Variants in PRDM4 observed in about 807,000 individuals in gnomAD.
PRDM4 encodes PR/SET domain 4, also known as PR domain zinc finger protein 4.
A neutral mutation model predicts 62.3 loss-of-function variants in PRDM4; 38 were observed. That is an observed-to-expected ratio of 0.61 (90% CI 0.47 to 0.80). The LOEUF is 0.80. PRDM4 is among the 30% of genes least tolerant of loss of function. The pLI is 0.00. For synonymous variants in PRDM4, 339 were observed against 348.2 expected (o/e 0.97, Z 0.30); for missense variants, 858 against 997.1 (o/e 0.86, Z 1.88).
chr12:107,754,542 C>T (rs1215348861), intron 3 of PRDM4, among the ~76,000 whole-genome samples: 1 of 151,938 alleles, frequency 6.6e-6, no homozygotes, highest in Non-Finnish European at 1.5e-5. Context: ...ACCACCACAC[C>T]CAGCTAATTT....
intron 11 of PRDM4, among the ~76,000 whole-genome samples, chr12:107,738,742 G>A (rs775443012): frequency 6.6e-6 from 1 of 152,112 alleles, no homozygotes; most frequent in East Asian, 1.9e-4. Flanking sequence ...AACAGAATGG[G>A]TATGTCACTA....
intron 9 of PRDM4, among the ~76,000 whole-genome samples, chr12:107,741,976 C>CA (rs1890532421): frequency 6.6e-6 from 1 of 152,304 alleles, no homozygotes; most frequent in Middle Eastern, 3.4e-3. Context: ...TAAGGAACTT[C>CA]AATGCCCCAA....
intron 5 of PRDM4, 55 bp from the exon 6 acceptor site, chr12:107,746,479 TACC>T: frequency 1.2e-5 from 17 of 1,419,426 alleles, no homozygotes; most frequent in Non-Finnish European, 1.4e-5. Flanking sequence ...CAGGCTAAAT[TACC>T]ACCACGGTTT....
rs1452363226 is a variant in PRDM4 at position 107,754,531 on chromosome 12, C to T, written c.146-422G>A. On this transcript the variant is annotated intron_variant, in intron 3 of 11. Coordinates refer to ENST00000228437, the MANE Select transcript of PRDM4 (RefSeq NM_012406.4). ...CTGAGTAGCTGGGATTACAGGCACA[C>T]ACCACCACACCCAGCTAATTTTTGT... Among the ~76,000 whole-genome samples the T allele has an allele frequency of 2.6e-5, 4 of 152,026 alleles. No individual in the cohort carries two copies. In the East Asian group the frequency reaches 7.8e-4, roughly 29 times the overall value.
intron 2 of PRDM4, chr12:107,759,993 G>A (rs1384574708): frequency 6.6e-6 from 1 of 152,240 alleles, no homozygotes; most frequent in Non-Finnish European, 1.5e-5. Flanking sequence ...ATGCAGTGGG[G>A]CTTCAATAAT....
chr12:107,744,552 A>G lies in PRDM4; in HGVS notation c.1386T>C (p.His462=), dbSNP rs1890626268. 2.5e-6 allele frequency: 4 copies of G among 1,613,274 alleles called. No homozygotes were observed. Among genetic ancestry groups the G allele is most frequent in the Non-Finnish European group, 3.4e-6 (4 of 1,179,322 alleles). The change falls in exon 7 of 12, where the codon CAT becomes CAC. Residue 462 remains histidine (H), a synonymous_variant. Transcript: ENST00000228437. Reference sequence around the variant, plus strand: ...TTTCATCAGGACTGACCTTCCAGATATGGTTAACTGCCTTGTCTGTCCATT... The same window carrying G: ...TTTCATCAGGACTGACCTTCCAGATGTGGTTAACTGCCTTGTCTGTCCATT... ...VAEWTDKAVN[H]IWKIYHNGVL... is the part of the protein sequence containing the mutation.
At chr12:107,755,785 G>A (rs1891045416) in intron 3 of PRDM4, among the ~76,000 whole-genome samples, 1 of 152,098 alleles carries the variant, frequency 6.6e-6, no homozygotes, top group Non-Finnish European at 1.5e-5. Flanking sequence ...CAGAAAAAAG[G>A]TTTTAAAAGT....
intron 3 of PRDM4, among the ~76,000 whole-genome samples, chr12:107,755,457 TACAA>T (rs1006788063): frequency 1.3e-5 from 2 of 152,198 alleles, no homozygotes; most frequent in African/African-American, 4.8e-5. Context: ...AGGGAATGCC[TACAA>T]ACAATCAAGT....
rs544080906 is a variant in PRDM4, at chr12:107,746,220, T to C, written c.1276+55A>G. 7 of 1,588,676 alleles carry C rather than the reference T, an allele frequency of 4.4e-6. No homozygotes were observed. In the East Asian group the frequency reaches 1.6e-4, roughly 36 times the overall value. ...TTATACACATCCACTTTTACAACTC[T>C]ACGCTACAAAGGAAGAAGAGATGTA... On this transcript the variant is annotated intron_variant, in intron 6 of 11. Coordinates refer to ENST00000228437, the MANE Select transcript of PRDM4 (RefSeq NM_012406.4).
intron 11 of PRDM4, among the ~76,000 whole-genome samples, chr12:107,735,406 G>T (rs900845430): frequency 1.3e-5 from 2 of 152,012 alleles, no homozygotes; most frequent in African/African-American, 2.4e-5. Context: ...AGTACATAAT[G>T]GTATCTCATT....
chr12:107,741,141 T>A lies in PRDM4; in HGVS notation c.1729A>T (p.Ser577Cys), dbSNP rs149313146. 1,259 of 1,614,152 alleles carry A rather than the reference T, an allele frequency of 7.8e-4. No individual in the cohort carries two copies. The highest frequency in any genetic ancestry group is 8.6e-4 in the Non-Finnish European group (1,012 of 1,180,038). ...IHNHLPTQGH[S>C]GSHGPSHSKE... is the part of the protein sequence containing the mutation. Reference sequence around the variant, plus strand: ...CTGTGACTTGGCCCATGGCTGCCGCTATGTCCCTGGGTAGGAAGATGGTTA... The same window carrying A: ...CTGTGACTTGGCCCATGGCTGCCGCAATGTCCCTGGGTAGGAAGATGGTTA... Residue 577 changes from serine to cysteine, a missense_variant, in exon 10 of 12, where the codon AGC (serine) becomes TGC (cysteine). Transcript: ENST00000228437.
rs150061654 is a variant in PRDM4 at position 107,746,383 on chromosome 12, C to T, written c.1168G>A (p.Glu390Lys). ...CDRAYPSDCP[E>K]HGPVTFVPDT... ...GGAACAAAAGTCACTGGTCCATGTTCGGGACAGTCCGAGGGATAGGCGCGG... is the reference window on the plus strand; with the variant it reads ...GGAACAAAAGTCACTGGTCCATGTTTGGGACAGTCCGAGGGATAGGCGCGG... The change falls in exon 6 of 12, where the codon GAA becomes AAA. Residue 390 changes from glutamate to lysine, a missense_variant. Glu to Lys is a moderately conservative substitution (Grantham distance 56). Coordinates refer to ENST00000228437, the MANE Select transcript of PRDM4 (RefSeq NM_012406.4). The T allele has an allele frequency of 4.6e-5, 75 of 1,612,920 alleles. No homozygotes were observed. Among genetic ancestry groups the T allele is most frequent in the East Asian group, 1.1e-4 (5 of 44,840 alleles).
chr12:107,742,436 A>ATTAACTCC, intron 8 of PRDM4, 88 bp from the exon 9 acceptor site: 1 of 1,409,530 alleles, frequency 7.1e-7, no homozygotes, highest in Non-Finnish European at 9.9e-7. Flanking sequence ...TCCTATATGA[A>ATTAACTCC]AGCTTAGGCA....
rs1293243718 is a variant in PRDM4, at chr12:107,760,607, T to C, written c.-92A>G. 2.0e-6 allele frequency: 3 copies of C among 1,519,840 alleles called. No individual in the cohort carries two copies. The highest frequency in any genetic ancestry group is 2.7e-6 in the Non-Finnish European group (3 of 1,112,940). The allele number at this position is 1,519,840 out of a possible 1,614,324, so 94.1% of individuals were successfully genotyped here. A position where few individuals can be genotyped will look rare whatever the true frequency, so the allele number is the denominator to read the frequency against. On this transcript the variant is annotated 5_prime_UTR_variant, in exon 2 of 12. Transcript: ENST00000228437. ...TTCCAGGGTCACGTGCTACCACATCTTGCTCACAACCGCTGCACCGACGCG... is the reference window on the plus strand; with the variant it reads ...TTCCAGGGTCACGTGCTACCACATCCTGCTCACAACCGCTGCACCGACGCG...
chr12:107,736,266 T>C lies in PRDM4; in HGVS notation c.2094-1744A>G, dbSNP rs992438575. Among the ~76,000 whole-genome samples the C allele has an allele frequency of 3.9e-5, 6 of 152,204 alleles. No individual in the cohort carries two copies. In the East Asian group the frequency reaches 5.8e-4, roughly 15 times the overall value. ...AACAAATGTGTAACGTGGTATCATA[T>C]AGCAATAAAGACTACGAAAACACAC... On this transcript the variant is annotated intron_variant, in intron 11 of 11. Transcript: ENST00000228437.
Position 107,752,094 on chromosome 12 carries a change from G to C in PRDM4, c.447C>G (p.Pro149=). 6.2e-7 allele frequency: 1 copy of C among 1,612,508 alleles called. No individual in the cohort carries two copies. The highest frequency in any genetic ancestry group is 8.5e-7 in the Non-Finnish European group (1 of 1,178,538). The change falls in exon 5 of 12, where the codon CCC becomes CCG. Residue 149 remains proline, a synonymous_variant. Transcript: ENST00000228437. ...SITNNPSALD[P]YQSNGNVGLE... is the part of the protein sequence containing the mutation. Reference sequence around the variant, plus strand: ...ATCCAACATTTCCATTGGACTGATAGGGATCTAGTGCTGAAGGGTTATTGG... The same window carrying C: ...ATCCAACATTTCCATTGGACTGATACGGATCTAGTGCTGAAGGGTTATTGG...
At position 107,756,833 on chromosome 12, in the gene PRDM4, T is replaced by C. The variant is rs778405639; in HGVS notation, c.144A>G (p.Pro48=). 2.5e-6 allele frequency: 4 copies of C among 1,614,084 alleles called. No homozygotes were observed. In the South Asian group the frequency reaches 3.3e-5, roughly 13 times the overall value. The change falls in exon 3 of 12, where the codon CCA becomes CCG. Residue 48 remains proline, a splice_region_variant and synonymous_variant. Transcript: ENST00000228437. The part of the protein sequence containing the change: ...ASPTHSAIPA[P]GLPVAIPNLG... ...CAGTAGGTCTCCCTTACCACTCACC[T>C]GGGGCAGGGATGGCACTGTGAGTGG... is the stretch of plus-strand genomic sequence containing the variant.
intron 7 of PRDM4, 86 bp from the exon 8 acceptor site, chr12:107,743,368 T>C: frequency 1.1e-6 from 1 of 939,298 alleles, no homozygotes; most frequent in Non-Finnish European, 1.7e-6. Flanking sequence ...ATCACCTCAT[T>C]TACTCATTTG....
intron 2 of PRDM4, among the ~76,000 whole-genome samples, chr12:107,760,155 C>T (rs1014725552): frequency 6.6e-6 from 1 of 152,198 alleles, no homozygotes; most frequent in Non-Finnish European, 1.5e-5. Context: ...AATTCCCTCA[C>T]TATCGTCCCT....
Sources: gnomAD v4.1 joint callset for allele counts (sites outside exome capture counted in the v4.1 genomes callset) on GRCh38, gnomAD v4.1.1 for gene constraint, MANE v1.5 for transcripts, NCBI Gene and HGNC (gene_info 2026-07-23, HGNC 2026-07-21) for gene names.